BTNL8: variants seen among roughly 807,000 people sequenced by gnomAD.
BTNL8 encodes the protein butyrophilin-like protein 8.
Under a neutral mutation model 36.1 loss-of-function variants are expected in BTNL8, and 22 were observed. That is an observed-to-expected ratio of 0.61 (90% CI 0.44 to 0.87). The LOEUF is 0.87. Among genes scored for constraint, BTNL8 ranks in the 40% least tolerant of loss-of-function variants. BTNL8 has a pLI of 0.00. For missense variants in BTNL8, 526 were observed against 616.9 expected, an observed-to-expected ratio of 0.85 and a Z score of 1.56; for synonymous variants, 203 against 235.6, an observed-to-expected ratio of 0.86 and a Z score of 1.27.
intron 1 of BTNL8, among the ~76,000 whole-genome samples, chr5:180,900,464 C>T (rs536760833): frequency 2.6e-5 from 4 of 152,126 alleles, no homozygotes; most frequent in African/African-American, 7.2e-5. Flanking sequence ...TTGTTCCTTT[C>T]TTATTTTCAA....
intron 3 of BTNL8, among the ~76,000 whole-genome samples, chr5:180,927,634 T>C (rs1758166065): frequency 6.6e-6 from 1 of 152,184 alleles, no homozygotes; most frequent in Non-Finnish European, 1.5e-5. Context: ...GAGAAGAAGA[T>C]AAATGACCTG....
chr5:180,916,341 TA>T (rs1757627320), intron 3 of BTNL8, among the ~76,000 whole-genome samples: 1 of 152,028 alleles, frequency 6.6e-6, no homozygotes, highest in African/African-American at 2.4e-5. Flanking sequence ...AAACCAGTTC[TA>T]AAAGTTTATA....
intron 3 of BTNL8, 52 bp from the exon 4 acceptor site, chr5:180,947,460 A>C: frequency 6.3e-7 from 1 of 1,595,954 alleles, no homozygotes; most frequent in Non-Finnish European, 8.6e-7. Flanking sequence ...GAAGAATTGA[A>C]TTGTGTCTTT....
chr5:180,905,900 A>G (rs564653568), intron 1 of BTNL8, among the ~76,000 whole-genome samples: 3 of 146,376 alleles, frequency 2.0e-5, no homozygotes, highest in African/African-American at 7.9e-5. Flanking sequence ...GTTTGTTATA[A>G]TTTCTGTTCT....
chr5:180,911,633 A>T lies in BTNL8; in HGVS notation c.673+19A>T. ...ATAGGAGGTGAGTAGGGAGGGGAGG[A>T]GAAGAGAAGGAGGGGTGGATGCTTC... is the stretch of plus-strand genomic sequence containing the variant. On this transcript the variant is annotated intron_variant, in intron 3 of 7. Transcript: ENST00000340184. The T allele has an allele frequency of 6.3e-7, 1 of 1,589,458 alleles. No homozygotes were observed. The highest frequency in any genetic ancestry group is 1.1e-5 in the South Asian group (1 of 89,358).
At chr5:180,914,186 GC>G (rs1466277655) in intron 3 of BTNL8, among the ~76,000 whole-genome samples, 10 of 152,320 alleles carry the variant, frequency 6.6e-5, no homozygotes, top group Admixed American at 6.5e-4. Context: ...TGAGGACTAT[GC>G]CCATATGAAT....
At chr5:180,909,721 A>G (rs1298224772) in intron 2 of BTNL8, 2 of 313,704 alleles carry the variant, frequency 6.4e-6, no homozygotes, top group Non-Finnish European at 9.2e-6. Context: ...TCTATTAAAA[A>G]AAAAAAAAAA....
chr5:180,947,466 T>C, intron 3 of BTNL8, 46 bp from the exon 4 acceptor site: 2 of 1,601,158 alleles, frequency 1.2e-6, no homozygotes, highest in Non-Finnish European at 1.7e-6. Flanking sequence ...TTGAATTGTG[T>C]CTTTTGTTCA....
chr5:180,908,046 C>T (rs1757180956), intron 1 of BTNL8, among the ~76,000 whole-genome samples: 1 of 152,160 alleles, frequency 6.6e-6, no homozygotes, highest in African/African-American at 2.4e-5. Context: ...GTGGGCTCCA[C>T]CCAGTTGGAG....
intron 5 of BTNL8, chr5:180,948,612 G>A: frequency 9.1e-7 from 1 of 1,094,104 alleles, no homozygotes; most frequent in Non-Finnish European, 1.3e-6. Context: ...TGTGCCTGTT[G>A]CCCGTTGGTT....
chr5:180,901,784 G>A (rs994291090), intron 1 of BTNL8, among the ~76,000 whole-genome samples: 1 of 152,116 alleles, frequency 6.6e-6, no homozygotes, highest in African/African-American at 2.4e-5. Context: ...AGCACTAGGC[G>A]AACCACCTTT....
At chr5:180,945,144 A>G (rs1053971250) in intron 3 of BTNL8, among the ~76,000 whole-genome samples, 4 of 152,232 alleles carry the variant, frequency 2.6e-5, no homozygotes, top group African/African-American at 7.2e-5. Flanking sequence ...CAGGATGGAA[A>G]GTTTGGAAGT....
At chr5:180,946,234 T>TA (rs1759238933) in intron 3 of BTNL8, among the ~76,000 whole-genome samples, 1 of 152,138 alleles carries the variant, frequency 6.6e-6, no homozygotes, top group Non-Finnish European at 1.5e-5. Flanking sequence ...GGAGTTTTCT[T>TA]AAAAAACTAA....
At chr5:180,911,654 G>A in intron 3 of BTNL8, 40 bp downstream of exon 3, 1 of 1,557,840 alleles carries the variant, frequency 6.4e-7, no homozygotes, top group East Asian at 2.3e-5. Context: ...AGGGGTGGAT[G>A]CTTCGGTAAC....
At chr5:180,919,910 T>A (rs1277906999) in intron 3 of BTNL8, among the ~76,000 whole-genome samples, 1 of 152,152 alleles carries the variant, frequency 6.6e-6, no homozygotes, top group Non-Finnish European at 1.5e-5. Flanking sequence ...TAGAAATGTA[T>A]CATGTGTTCA....
rs541888080 is a variant in BTNL8 at position 180,912,516 on chromosome 5, G to A, written c.673+902G>A. Among the ~76,000 whole-genome samples the A allele has an allele frequency of 3.3e-5, 5 of 152,130 alleles. No homozygotes were observed. The South Asian group carries it at 1.0e-3, about 32-fold the overall frequency. On this transcript the variant is annotated intron_variant, in intron 3 of 7. Transcript: ENST00000340184. ...CACTAATACAGATTTGGTACCAAGA[G>A]TATTTCTAGAGAAAAAGAATTTTAG...
chr5:180,941,110 G>GGAAGGA (rs1758916958), intron 3 of BTNL8, among the ~76,000 whole-genome samples: 47 of 126,892 alleles, frequency 3.7e-4, no homozygotes, highest in African/African-American at 1.4e-3. Flanking sequence ...GGAAGGAAGG[G>GGAAGGA]AGGAAGGAAG....
intron 3 of BTNL8, among the ~76,000 whole-genome samples, chr5:180,922,407 G>A (rs1399365241): frequency 6.6e-6 from 1 of 151,676 alleles, no homozygotes; most frequent in Non-Finnish European, 1.5e-5. Context: ...TTTCTCATTA[G>A]TTTCAAAGAA....
At chr5:180,924,290 A>G (rs1237291951) in intron 3 of BTNL8, among the ~76,000 whole-genome samples, 1 of 152,216 alleles carries the variant, frequency 6.6e-6, no homozygotes, top group East Asian at 1.9e-4. Flanking sequence ...AGGCTACTCT[A>G]GACTAGGAGC....
Sources: allele counts gnomAD v4.1 joint callset (sites outside exome capture counted in the v4.1 genomes callset), GRCh38; gene constraint gnomAD v4.1.1; transcripts MANE v1.5; gene names NCBI Gene and HGNC (gene_info 2026-07-23, HGNC 2026-07-21).